PRKX: variants seen among roughly 807,000 people sequenced by gnomAD.
The protein encoded by PRKX is cAMP-dependent protein kinase catalytic subunit PRKX.
A neutral mutation model predicts 22.0 loss-of-function variants in PRKX; 12 were observed. That is an observed-to-expected ratio of 0.54 (90% CI 0.35 to 0.88). The LOEUF (loss-of-function observed/expected upper bound fraction) is 0.88. Among genes scored for constraint, PRKX ranks in the 40% least tolerant of loss-of-function variants. PRKX has a pLI of 0.01. For missense variants in PRKX, 217 were observed against 308.0 expected (o/e 0.70, Z 2.21); for synonymous variants, 134 against 137.7 (o/e 0.97, Z 0.19).
At chrX:3,647,623 A>G (rs747213323) in intron 3 of PRKX, among the ~76,000 whole-genome samples, 365 of 107,164 alleles carry the variant, frequency 3.4e-3, no homozygotes, top group South Asian at 5.4e-3. Flanking sequence ...AATGTCGGAT[A>G]TATTATTTAT....
rs772718491 is a variant in PRKX, at chrX:3,621,281, G to C, written c.851C>G (p.Thr284Arg). 8.3e-7 allele frequency: 1 copy of C among 1,206,864 alleles called. No individual in the cohort carries two copies. Among genetic ancestry groups the C allele is most frequent in the Non-Finnish European group, 1.1e-6 (1 of 893,189 alleles). Residue 284 changes from threonine (T) to arginine (R), a missense_variant, in exon 6 of 9, where the codon ACA (threonine) becomes AGA (arginine). Transcript: ENST00000262848. ...LIKKLLVVDR[T>R]RRLGNMKNGA... ...GACCTTCATGTTTCCTAATCGCCTT[G>C]TTCTGTCAACCACGAGCAGTTTCTT...
intron 4 of PRKX, among the ~76,000 whole-genome samples, chrX:3,641,219 C>G (rs1221342574): frequency 1.8e-5 from 2 of 111,580 alleles, no homozygotes; most frequent in African/African-American, 3.3e-5. Flanking sequence ...GATCCAAGAA[C>G]CCTGTGCTGG....
chrX:3,610,209 A>C (rs180819591), intron 8 of PRKX, among the ~76,000 whole-genome samples: 1 of 112,290 alleles, frequency 8.9e-6, no homozygotes, highest in African/African-American at 3.2e-5. Context: ...GGCCAGGCAC[A>C]GTGGCTCATG....
intron 6 of PRKX, among the ~76,000 whole-genome samples, chrX:3,618,552 C>T (rs1406460423): frequency 9.0e-6 from 1 of 111,225 alleles, no homozygotes; most frequent in Admixed American, 9.6e-5. Flanking sequence ...GGACCCATTC[C>T]ACAATGGGTA....
chrX:3,629,961 C>A (rs1343420504), intron 4 of PRKX, among the ~76,000 whole-genome samples: 1 of 111,956 alleles, frequency 8.9e-6, no homozygotes, highest in Non-Finnish European at 1.9e-5. Context: ...CATTTCTTGA[C>A]CCCTGGAGAC....
chrX:3,689,602 C>A (rs1928257311), intron 1 of PRKX, among the ~76,000 whole-genome samples: 1 of 111,903 alleles, frequency 8.9e-6, no homozygotes, highest in African/African-American at 3.3e-5. Flanking sequence ...ATCACTTGAG[C>A]CCAGGAGTTC....
intron 1 of PRKX, among the ~76,000 whole-genome samples, chrX:3,699,333 G>A (rs868196673): frequency 9.4e-5 from 10 of 106,328 alleles, no homozygotes; most frequent in African/African-American, 1.4e-4. Flanking sequence ...CACCGTGCCC[G>A]GCATTTTTTA....
chrX:3,613,433 T>C (rs912029376), intron 7 of PRKX, among the ~76,000 whole-genome samples: 2 of 110,474 alleles, frequency 1.8e-5, no homozygotes, highest in Non-Finnish European at 3.8e-5. Context: ...CTTGGCAATA[T>C]ATCTGTTTTA....
Position 3,694,559 on chromosome X carries a change from G to C in PRKX, c.166+18529C>G, listed in dbSNP as rs184920738. 7.9e-5 allele frequency among the ~76,000 whole-genome samples: 8 copies of C among 100,718 alleles called. No individual in the cohort carries two copies. The East Asian group carries it at 1.8e-3, about 22-fold the overall frequency. The allele number at this position is 100,718 out of a possible 115,157, so 87.5% of individuals were successfully genotyped here. A position where few individuals can be genotyped will look rare whatever the true frequency, so the allele number is the denominator to read the frequency against. ...CCCAGGAGCTGGGAGATGCAGAAAG[G>C]ATCCTCCCCTAGAGCCTCCAGAAGG... On this transcript the variant is annotated intron_variant, in intron 1 of 8. Coordinates refer to ENST00000262848, the MANE Select transcript of PRKX (RefSeq NM_005044.5).
intron 4 of PRKX, among the ~76,000 whole-genome samples, chrX:3,630,429 G>A (rs1256835731): frequency 2.9e-4 from 32 of 111,225 alleles, no homozygotes; most frequent in African/African-American, 8.5e-4. Flanking sequence ...GCGTGGTGGC[G>A]GGCGCCTGTA....
intron 1 of PRKX, among the ~76,000 whole-genome samples, chrX:3,684,327 A>G (rs7056895): frequency 0.19 from 20,925 of 111,300 alleles, 2,758 homozygotes; most frequent in African/African-American, 0.47. Flanking sequence ...ACAGGGAGAG[A>G]TTACTTTCTG....
Position 3,713,157 on chromosome X carries a change from T to A in PRKX, c.97A>T (p.Ser33Cys). ...GGCTCCGGCGACAGCGCCTCAGGGC[T>A]GGGGCAGAGCGCGGGCGCCCCGTCG... ...TPDGAPALCP[S>C]PEALSPEPPV... Residue 33 changes from serine (S) to cysteine (C), a missense_variant, in exon 1 of 9, where the codon AGC becomes TGC. Ser to Cys is a moderately radical substitution (Grantham distance 112). Coordinates refer to ENST00000262848, the MANE Select transcript of PRKX (RefSeq NM_005044.5). 8.8e-7 allele frequency: 1 copy of A among 1,137,562 alleles called. No individual in the cohort carries two copies. The highest frequency in any genetic ancestry group is 1.2e-6 in the Non-Finnish European group (1 of 864,257). The allele number at this position is 1,137,562 out of a possible 1,213,427, so 93.7% of individuals were successfully genotyped here. A position where few individuals can be genotyped will look rare whatever the true frequency, so the allele number is the denominator to read the frequency against.
In PRKX at chrX:3,606,142, G is replaced by A. The variant is rs55866215; in HGVS notation, c.*2827C>T. Reference sequence around the variant, plus strand: ...CAATTTAAGAAAATATTGCCAACTCGTAAAATTACATGAAGCAAAGTAAAT... The same window carrying A: ...CAATTTAAGAAAATATTGCCAACTCATAAAATTACATGAAGCAAAGTAAAT... On this transcript the variant is annotated 3_prime_UTR_variant, in exon 9 of 9. Transcript: ENST00000262848. The A allele has an allele frequency of 8.9e-6, 1 of 112,111 alleles. No individual in the cohort carries two copies. The highest frequency in any genetic ancestry group is 2.8e-4 in the East Asian group (1 of 3,588). 9.2% of individuals were successfully genotyped at this position (112,111 alleles called of 1,213,427 possible).
intron 5 of PRKX, among the ~76,000 whole-genome samples, chrX:3,623,093 GGA>G (rs1311847217): frequency 1.0e-5 from 1 of 97,190 alleles, no homozygotes; most frequent in Non-Finnish European, 2.3e-5. Context: ...ATTATAGGGG[GGA>G]AAAAAAGCCC....
intron 1 of PRKX, among the ~76,000 whole-genome samples, chrX:3,694,544 G>A (rs1156890914): frequency 9.1e-6 from 1 of 109,826 alleles, no homozygotes; most frequent in African/African-American, 3.3e-5. Flanking sequence ...CCCAGGAGCT[G>A]GGAGATGCAG....
intron 1 of PRKX, among the ~76,000 whole-genome samples, chrX:3,693,542 G>A (rs1234509623): frequency 9.0e-6 from 1 of 110,891 alleles, no homozygotes; most frequent in East Asian, 2.8e-4. Context: ...TTAACCCAGG[G>A]GATGTATTGA....
chrX:3,627,633 G>GT, intron 4 of PRKX, among the ~76,000 whole-genome samples: 1 of 109,063 alleles, frequency 9.2e-6, no homozygotes, highest in Middle Eastern at 4.7e-3. Flanking sequence ...GCTAATTTTT[G>GT]TATTTTTTTT....
At chrX:3,639,536 CGGGGTGGGTGGGTGGATGGATGAA>C (rs1402424971) in intron 4 of PRKX, among the ~76,000 whole-genome samples, 107 of 11,726 alleles carry the variant, frequency 9.1e-3, no homozygotes, top group African/African-American at 0.041. Flanking sequence ...GGATGGATGA[CGGGGTGGGTGGGTGGATGGATGAA>C]GGGGTTGGGG....
chrX:3,615,998 A>G, intron 6 of PRKX, 106 bp from the exon 7 acceptor site: 1 of 735,345 alleles, frequency 1.4e-6, no homozygotes, highest in Non-Finnish European at 2.0e-6. Flanking sequence ...AAACAAACAG[A>G]CCAAGTTTGC....
Sources: allele counts gnomAD v4.1 joint callset (sites outside exome capture counted in the v4.1 genomes callset), GRCh38; gene constraint gnomAD v4.1.1; transcripts MANE v1.5; gene names NCBI Gene and HGNC (gene_info 2026-07-23, HGNC 2026-07-21).